The following CSMD1 variants were observed in gnomAD, a reference collection of about 807,000 sequenced individuals.
CSMD1 encodes CUB and sushi domain-containing protein 1.
CSMD1 carries 213 observed loss-of-function variants against 417.5 expected under a neutral mutation model. The ratio of observed to expected loss-of-function variants is 0.51; its 90% CI spans 0.46 to 0.57. The LOEUF is 0.57. Among genes scored for constraint, CSMD1 ranks in the 20% least tolerant of loss-of-function variants. The probability of loss-of-function intolerance (pLI) is 0.00; values close to 1 mark genes in which losing one functional copy is unlikely to be tolerated. For synonymous variants in CSMD1, 2,862 were observed against 1,736.8 expected (o/e 1.65, Z -16.11); for missense variants, 6,923 against 4,529.7 (o/e 1.53, Z -15.17).
At chr8:4,808,286 T>C (rs1384675639) in intron 1 of CSMD1, among the ~76,000 whole-genome samples, 3 of 152,110 alleles carry the variant, frequency 2.0e-5, no homozygotes, top group Non-Finnish European at 4.4e-5. Flanking sequence ...TGAAAAAGGG[T>C]GCTAATTATT....
At chr8:3,301,792 G>A (rs886611044) in intron 25 of CSMD1, among the ~76,000 whole-genome samples, 1 of 152,080 alleles carries the variant, frequency 6.6e-6, no homozygotes, top group African/African-American at 2.4e-5. Context: ...TTGAGAGATT[G>A]GAGAGAATAA....
chr8:3,295,389 G>C lies in CSMD1; in HGVS notation c.3951-11043C>G, dbSNP rs553226339. Among the ~76,000 whole-genome samples the C allele has an allele frequency of 5.3e-5, 8 of 152,164 alleles. No homozygotes were observed. The South Asian group carries it at 1.2e-3, about 24-fold the overall frequency. Reference sequence around the variant, plus strand: ...GATCCACCCGCCTCGGCCTCCCAAAGTGCTGGGATTAGAGGTGTGAGCCAC... The same window carrying C: ...GATCCACCCGCCTCGGCCTCCCAAACTGCTGGGATTAGAGGTGTGAGCCAC... On this transcript the variant is annotated intron_variant, in intron 25 of 69. Coordinates refer to ENST00000635120, the MANE Select transcript of CSMD1 (RefSeq NM_033225.6).
chr8:3,078,675 G>C (rs1328690974), intron 49 of CSMD1, among the ~76,000 whole-genome samples: 3 of 152,128 alleles, frequency 2.0e-5, no homozygotes, highest in Non-Finnish European at 4.4e-5. Context: ...GACTGCATAT[G>C]ATCCCCAAAG....
At chr8:4,526,584 G>C (rs1375399802) in intron 2 of CSMD1, among the ~76,000 whole-genome samples, 4 of 152,200 alleles carry the variant, frequency 2.6e-5, no homozygotes, top group African/African-American at 9.6e-5. Context: ...ACACACATTG[G>C]TAAACACTGA....
At chr8:4,637,222 A>G (rs966085799) in intron 2 of CSMD1, 120 bp downstream of exon 2, 3 of 809,340 alleles carry the variant, frequency 3.7e-6, no homozygotes, top group Non-Finnish European at 2.0e-6. Flanking sequence ...CAGCGAGGCC[A>G]CGAACCCACC....
chr8:3,128,842 T>C lies in CSMD1; in HGVS notation c.6242-10255A>G, dbSNP rs17079487. The C allele has an allele frequency of 4.1e-3, 1,865 of 452,482 alleles. 33 individuals are homozygous for C. Among genetic ancestry groups the C allele is most frequent in the African/African-American group, 0.033 (1,665 of 49,874 alleles). 28.0% of individuals were successfully genotyped at this position (452,482 alleles called of 1,614,324 possible). ...TGAAAGTCCTTTCTTCTCCTTGACA[T>C]CTGGCTTGGAATGGGGTGTCAAGAC... is the stretch of plus-strand genomic sequence containing the variant. On this transcript the variant is annotated intron_variant, in intron 41 of 69. Coordinates refer to ENST00000635120, the MANE Select transcript of CSMD1 (RefSeq NM_033225.6).
chr8:3,905,452 C>T (rs535730784), intron 5 of CSMD1, among the ~76,000 whole-genome samples: 74 of 152,300 alleles, frequency 4.9e-4, no homozygotes, highest in African/African-American at 1.7e-3. Flanking sequence ...TGTAAGACCC[C>T]CCAACACGGG....
intron 5 of CSMD1, among the ~76,000 whole-genome samples, chr8:3,801,785 C>A (rs573198313): frequency 6.6e-6 from 1 of 152,004 alleles, no homozygotes; most frequent in Admixed American, 6.6e-5. Flanking sequence ...TAGCATTTTA[C>A]GGGTCATTAA....
chr8:3,404,419 G>A (rs958569884), intron 15 of CSMD1, among the ~76,000 whole-genome samples: 4 of 152,036 alleles, frequency 2.6e-5, no homozygotes, highest in African/African-American at 7.2e-5. Context: ...GGCAGGATGA[G>A]GTGGTGAAGG....
chr8:3,994,162 A>T (rs1563295717), intron 5 of CSMD1, among the ~76,000 whole-genome samples: 1 of 152,138 alleles, frequency 6.6e-6, no homozygotes, highest in Admixed American at 6.5e-5. Flanking sequence ...ACACATTTTC[A>T]ATGCATTTAT....
intron 2 of CSMD1, among the ~76,000 whole-genome samples, chr8:4,489,022 T>G (rs762610256): frequency 1.6e-4 from 25 of 152,300 alleles, no homozygotes; most frequent in African/African-American, 5.5e-4. Context: ...GCAATTCCCC[T>G]GTCTCAGCCT....
intron 5 of CSMD1, among the ~76,000 whole-genome samples, chr8:3,923,733 T>C (rs1809445674): frequency 6.6e-6 from 1 of 152,200 alleles, no homozygotes; most frequent in Non-Finnish European, 1.5e-5. Context: ...CCTGTCTCAC[T>C]GAAACTTTAT....
At chr8:3,633,027 T>C (rs1402275347) in intron 7 of CSMD1, among the ~76,000 whole-genome samples, 2 of 152,240 alleles carry the variant, frequency 1.3e-5, no homozygotes, top group Admixed American at 6.5e-5. Context: ...AGTGTCCTAC[T>C]AACTGATACT....
intron 10 of CSMD1, among the ~76,000 whole-genome samples, chr8:3,541,327 G>C (rs193230192): frequency 1.3e-5 from 2 of 152,124 alleles, no homozygotes; most frequent in Admixed American, 6.5e-5. Context: ...GCTGAACAAT[G>C]AGAACACATG....
chr8:3,801,048 G>A (rs370773602), intron 5 of CSMD1, among the ~76,000 whole-genome samples: 20 of 151,488 alleles, frequency 1.3e-4, no homozygotes, highest in East Asian at 5.9e-4. Flanking sequence ...CTTTATAACC[G>A]TGGTTGAGGC....
intron 4 of CSMD1, among the ~76,000 whole-genome samples, chr8:4,018,618 T>C (rs1375237049): frequency 6.6e-6 from 1 of 152,234 alleles, no homozygotes; most frequent in Admixed American, 6.5e-5. Flanking sequence ...CTATTCAGGA[T>C]TCAAGCACAT....
chr8:4,203,077 G>A (rs941064052), intron 3 of CSMD1, among the ~76,000 whole-genome samples: 1 of 152,174 alleles, frequency 6.6e-6, no homozygotes, highest in Non-Finnish European at 1.5e-5. Flanking sequence ...TTGAGCAAGT[G>A]AGATGACTTG....
chr8:2,938,848 T>G, intron 69 of CSMD1, 104 bp from the exon 70 acceptor site: 1 of 993,808 alleles, frequency 1.0e-6, no homozygotes, highest in Admixed American at 2.5e-5. Context: ...GGGAGCAGTA[T>G]AGCCAGGACG....
intron 1 of CSMD1, among the ~76,000 whole-genome samples, chr8:4,884,407 G>T (rs374933285): frequency 2.6e-5 from 4 of 151,896 alleles, no homozygotes; most frequent in East Asian, 3.9e-4. Context: ...TGTATTTTTT[G>T]TTGTTGTTGC....
Sources: gnomAD v4.1 joint callset for allele counts (sites outside exome capture counted in the v4.1 genomes callset) on GRCh38, gnomAD v4.1.1 for gene constraint, MANE v1.5 for transcripts, NCBI Gene and HGNC (gene_info 2026-07-23, HGNC 2026-07-21) for gene names.